The following LGR6 variants were observed in gnomAD, a reference collection of about 807,000 sequenced individuals.
LGR6 encodes leucine-rich repeat-containing G protein-coupled receptor 6.
A neutral mutation model predicts 69.4 loss-of-function variants in LGR6; 45 were observed. That is an observed-to-expected ratio of 0.65 (90% CI 0.51 to 0.83). The LOEUF is 0.83. Among genes scored for constraint, LGR6 ranks in the 40% least tolerant of loss-of-function variants. The pLI, the probability that LGR6 is intolerant of heterozygous loss-of-function variation, is 0.00. For missense variants in LGR6, 1,108 were observed against 1,246.7 expected (o/e 0.89, Z 1.68); for synonymous variants, 538 against 555.0 (o/e 0.97, Z 0.43).
At chr1:202,245,712 C>T (rs1415616529) in intron 4 of LGR6, among the ~76,000 whole-genome samples, 1 of 152,078 alleles carries the variant, frequency 6.6e-6, no homozygotes, top group East Asian at 1.9e-4. Context: ...GCAATTAAGC[C>T]CCCAGTCGGG....
chr1:202,228,005 C>T lies in LGR6; in HGVS notation c.354C>T (p.Ile118=), dbSNP rs138587490. 217 of 1,608,638 alleles carry T rather than the reference C, an allele frequency of 1.3e-4. No homozygotes were observed. The highest frequency in any genetic ancestry group is 3.2e-4 in the South Asian group (29 of 90,980). Residue 118 remains isoleucine, a splice_region_variant and synonymous_variant, in exon 3 of 18, where the codon ATC becomes ATT. Coordinates refer to ENST00000367278, the MANE Select transcript of LGR6 (RefSeq NM_001017403.2). ...QAFSGLYSLK[I]LMLQNNQLGG... is the part of the protein sequence containing the mutation. ...TCTCTGGTCTCTACAGCCTGAAAAT[C>T]CTGTAAGTATAGGTACACCTCATTT...
At position 202,193,846 on chromosome 1, in the gene LGR6, ACCGCCG is replaced by A; in HGVS notation, c.-132_-127del. On this transcript the variant is annotated 5_prime_UTR_variant, in exon 1 of 18. Coordinates refer to ENST00000367278, the MANE Select transcript of LGR6 (RefSeq NM_001017403.2). ...CTGACTGCACCGTCCCGGCGCTCCC[ACCGCCG>A]CCGCCGCCGCCCAATAGAGCCCCTG... is the stretch of plus-strand genomic sequence containing the variant. The A allele has an allele frequency of 5.8e-6, 2 of 347,660 alleles. No homozygotes were observed. The highest frequency in any genetic ancestry group is 9.7e-6 in the Non-Finnish European group (2 of 205,690). 21.5% of individuals were successfully genotyped at this position (347,660 alleles called of 1,614,324 possible). A position where few individuals can be genotyped will look rare whatever the true frequency, so the allele number is the denominator to read the frequency against.
intron 1 of LGR6, among the ~76,000 whole-genome samples, chr1:202,205,731 AAC>A (rs776343468): frequency 0.012 from 1,730 of 140,726 alleles, 39 homozygotes; most frequent in African/African-American, 0.042. Context: ...ACCTTCTTCA[AAC>A]ACACACACAC....
At chr1:202,299,581 A>C (rs1032354899) in intron 7 of LGR6, among the ~76,000 whole-genome samples, 7 of 152,224 alleles carry the variant, frequency 4.6e-5, no homozygotes, top group African/African-American at 1.7e-4. Context: ...AGAAACTTCT[A>C]AATCCCTCAG....
At chr1:202,267,581 C>T (rs2148128192) in intron 4 of LGR6, among the ~76,000 whole-genome samples, 1 of 152,228 alleles carries the variant, frequency 6.6e-6, no homozygotes, top group African/African-American at 2.4e-5. Flanking sequence ...GGCTTCATTC[C>T]TCTGAGCCTC....
intron 4 of LGR6, among the ~76,000 whole-genome samples, chr1:202,241,597 G>C (rs1162766569): frequency 1.3e-5 from 2 of 152,086 alleles, no homozygotes; most frequent in East Asian, 1.9e-4. Flanking sequence ...GTCATGCCAG[G>C]CTTGAGCCAA....
chr1:202,258,164 A>C (rs755246198), intron 4 of LGR6, among the ~76,000 whole-genome samples: 1 of 152,010 alleles, frequency 6.6e-6, no homozygotes, highest in Non-Finnish European at 1.5e-5. Flanking sequence ...TTGATCTTAT[A>C]TCTTGCAGCT....
chr1:202,236,062 C>A, intron 4 of LGR6, 69 bp downstream of exon 4: 1 of 1,323,646 alleles, frequency 7.6e-7, no homozygotes, highest in South Asian at 1.2e-5. Flanking sequence ...CCAGGGCCCC[C>A]TGCCTCAGCT....
chr1:202,240,086 A>G (rs1662048142), intron 4 of LGR6, among the ~76,000 whole-genome samples: 2 of 152,136 alleles, frequency 1.3e-5, no homozygotes, highest in Admixed American at 6.5e-5. Context: ...TATTAAGAAC[A>G]TGCAGGCTGG....
At chr1:202,215,879 G>A (rs1276097065) in intron 1 of LGR6, among the ~76,000 whole-genome samples, 1 of 152,174 alleles carries the variant, frequency 6.6e-6, no homozygotes, top group Non-Finnish European at 1.5e-5. Context: ...GCACAGGATC[G>A]TGTGGCCTCA....
intron 4 of LGR6, among the ~76,000 whole-genome samples, chr1:202,263,413 C>G (rs760073265): frequency 2.0e-5 from 3 of 152,170 alleles, no homozygotes; most frequent in Admixed American, 2.0e-4. Context: ...CATGAGCCAC[C>G]GCGCCCGGCC....
At chr1:202,259,981 A>G (rs1664090784) in intron 4 of LGR6, among the ~76,000 whole-genome samples, 1 of 152,354 alleles carries the variant, frequency 6.6e-6, no homozygotes, top group Non-Finnish European at 1.5e-5. Context: ...AGGCAAAAAC[A>G]ACTGCTACTC....
chr1:202,317,337 T>TTG (rs1326544634), intron 17 of LGR6, among the ~76,000 whole-genome samples: 11 of 98,016 alleles, frequency 1.1e-4, no homozygotes, highest in African/African-American at 2.9e-4. Context: ...GTGTGTTTTT[T>TTG]TGTTTTTTTT....
intron 4 of LGR6, among the ~76,000 whole-genome samples, chr1:202,240,780 G>T (rs982431477): frequency 6.6e-6 from 1 of 152,116 alleles, no homozygotes; most frequent in Admixed American, 6.5e-5. Flanking sequence ...GAGACAGTGG[G>T]GAAAAATGAC....
intron 6 of LGR6, among the ~76,000 whole-genome samples, chr1:202,296,199 A>G (rs1667148743): frequency 6.6e-6 from 1 of 152,088 alleles, no homozygotes; most frequent in Non-Finnish European, 1.5e-5. Flanking sequence ...GGCTGGGGTC[A>G]TCCTGGGAGG....
intron 12 of LGR6, among the ~76,000 whole-genome samples, chr1:202,306,084 C>T (rs1050669274): frequency 7.2e-5 from 11 of 152,056 alleles, no homozygotes; most frequent in Non-Finnish European, 5.9e-5. Flanking sequence ...TGGGATGGAC[C>T]GGAGAAGGCT....
intron 1 of LGR6, among the ~76,000 whole-genome samples, chr1:202,201,822 G>A (rs1483270238): frequency 2.6e-5 from 4 of 152,238 alleles, no homozygotes; most frequent in Non-Finnish European, 5.9e-5. Flanking sequence ...TTGGGGCTCA[G>A]CACAGAAATT....
At chr1:202,236,364 C>G (rs1661551926) in intron 4 of LGR6, 1 of 278,056 alleles carries the variant, frequency 3.6e-6, no homozygotes, top group African/African-American at 2.2e-5. Context: ...AAGGGGTTGT[C>G]TCCTCTACCT....
intron 10 of LGR6, 108 bp from the exon 11 acceptor site, chr1:202,304,451 G>T: frequency 1.5e-6 from 1 of 672,400 alleles, no homozygotes; most frequent in Non-Finnish European, 2.4e-6. Flanking sequence ...TCTCTCTTTT[G>T]TTAGCTCCGT....
Sources: gnomAD v4.1 joint callset for allele counts (sites outside exome capture counted in the v4.1 genomes callset) on GRCh38, gnomAD v4.1.1 for gene constraint, MANE v1.5 for transcripts, NCBI Gene and HGNC (gene_info 2026-07-23, HGNC 2026-07-21) for gene names.